SOBP: variants seen among roughly 807,000 people sequenced by gnomAD.
SOBP encodes the protein sine oculis-binding protein homolog.
In SOBP, 4 loss-of-function variants were observed where a neutral mutation model predicts 53.6. The observed-to-expected ratio is 0.07, with a 90% CI of 0.04 to 0.17. SOBP has a LOEUF of 0.17. Among genes scored for constraint, SOBP ranks in the 10% least tolerant of loss-of-function variants. SOBP has a pLI of 1.00. For missense variants in SOBP, 1,088 were observed against 1,204.7 expected, an observed-to-expected ratio of 0.90 and a Z score of 1.43; for synonymous variants, 584 against 522.6, an observed-to-expected ratio of 1.12 and a Z score of -1.60.
At chr6:107,573,318 A>G (rs1402346457) in intron 4 of SOBP, among the ~76,000 whole-genome samples, 3 of 151,984 alleles carry the variant, frequency 2.0e-5, no homozygotes, top group Non-Finnish European at 2.9e-5. Context: ...ATGATAAGAA[A>G]AGATAGTGAG....
At chr6:107,631,736 C>A (rs1212221816) in intron 5 of SOBP, among the ~76,000 whole-genome samples, 1 of 152,190 alleles carries the variant, frequency 6.6e-6, no homozygotes, top group African/African-American at 2.4e-5. Context: ...TGAAAGAATG[C>A]CTTTCTAATC....
chr6:107,616,094 G>GC (rs796810571), intron 5 of SOBP, among the ~76,000 whole-genome samples: 2,248 of 116,324 alleles, frequency 0.019, 132 homozygotes, highest in African/African-American at 0.071. Flanking sequence ...TGGGGGGGGG[G>GC]CGGGGGGGCG....
chr6:107,647,384 A>G (rs373881039), intron 6 of SOBP, among the ~76,000 whole-genome samples: 8 of 152,188 alleles, frequency 5.3e-5, no homozygotes, highest in Non-Finnish European at 1.0e-4. Context: ...ACCACTGTCC[A>G]TGGCTTATGT....
chr6:107,537,205 G>A (rs921041551), intron 4 of SOBP, among the ~76,000 whole-genome samples: 1 of 152,206 alleles, frequency 6.6e-6, no homozygotes, highest in Non-Finnish European at 1.5e-5. Context: ...TCCTAAGGGA[G>A]TAATGTCTTG....
At chr6:107,496,413 G>C (rs2075585699) in intron 1 of SOBP, among the ~76,000 whole-genome samples, 1 of 152,166 alleles carries the variant, frequency 6.6e-6, no homozygotes, top group African/African-American at 2.4e-5. Flanking sequence ...CGACGAGACA[G>C]TAAAACACCA....
At chr6:107,517,026 T>C (rs1002727090) in intron 3 of SOBP, among the ~76,000 whole-genome samples, 1 of 152,202 alleles carries the variant, frequency 6.6e-6, no homozygotes, top group African/African-American at 2.4e-5. Context: ...TTTTAAAATG[T>C]ATATGGAGAT....
intron 4 of SOBP, among the ~76,000 whole-genome samples, chr6:107,565,708 A>G (rs76615663): frequency 0.019 from 2,878 of 152,338 alleles, 94 homozygotes; most frequent in African/African-American, 0.063. Context: ...TCTCTAGGCA[A>G]TAGTGCAGAG....
chr6:107,509,945 G>T (rs1038665482), intron 3 of SOBP: 5 of 152,244 alleles, frequency 3.3e-5, no homozygotes, highest in Non-Finnish European at 1.5e-5. Flanking sequence ...CTACTCAAGG[G>T]TTCTATATGA....
intron 6 of SOBP, among the ~76,000 whole-genome samples, chr6:107,657,736 G>A (rs1772126541): frequency 6.6e-6 from 1 of 152,000 alleles, no homozygotes; most frequent in African/African-American, 2.4e-5. Flanking sequence ...CCAGCACTTT[G>A]GGAGGCTGAG....
At chr6:107,493,622 AT>A (rs113421493) in intron 1 of SOBP, among the ~76,000 whole-genome samples, 2 of 152,018 alleles carry the variant, frequency 1.3e-5, no homozygotes, top group East Asian at 1.9e-4. Context: ...TGTGTATGTG[AT>A]TTTTTTTCCC....
At chr6:107,616,583 G>T (rs112861373) in intron 5 of SOBP, among the ~76,000 whole-genome samples, 7 of 152,146 alleles carry the variant, frequency 4.6e-5, no homozygotes, top group Admixed American at 1.3e-4. Context: ...AAGTTAAATG[G>T]TGTTTTGCTC....
chr6:107,626,601 A>G (rs1770471199), intron 5 of SOBP, among the ~76,000 whole-genome samples: 1 of 152,190 alleles, frequency 6.6e-6, no homozygotes, highest in Admixed American at 6.5e-5. Flanking sequence ...CTCACCCATG[A>G]TGGGCCCTGA....
chr6:107,529,432 T>C, intron 3 of SOBP: 1 of 985,106 alleles, frequency 1.0e-6, no homozygotes, highest in Non-Finnish European at 1.2e-6. Context: ...AGGTCTTTCA[T>C]TGATTATCTG....
At chr6:107,602,649 T>C (rs924432920) in intron 5 of SOBP, among the ~76,000 whole-genome samples, 3 of 147,842 alleles carry the variant, frequency 2.0e-5, no homozygotes, top group African/African-American at 7.6e-5. Flanking sequence ...AAAGAGCAAA[T>C]TTTACTTCAT....
intron 6 of SOBP, among the ~76,000 whole-genome samples, chr6:107,650,389 C>T (rs1336729850): frequency 1.3e-5 from 2 of 152,202 alleles, no homozygotes; most frequent in Non-Finnish European, 2.9e-5. Context: ...CGCTTTATTA[C>T]GCTTCACGAA....
Position 107,635,302 on chromosome 6 carries a change from A to T in SOBP, c.2458A>T (p.Met820Leu). 2 of 1,613,830 alleles carry T rather than the reference A, an allele frequency of 1.2e-6. No individual in the cohort carries two copies. The highest frequency in any genetic ancestry group is 1.1e-5 in the South Asian group (1 of 91,088). ...ADEDHAYALR[M>L]LPKTGCVIQP... ...CGAGGACCATGCCTATGCTCTGCGG[A>T]TGCTGCCCAAGACCGGCTGCGTGAT... The change falls in exon 6 of 7, where the codon ATG becomes TTG. Residue 820 changes from methionine to leucine, a missense_variant. This residue lies in a region of SOBP where 665 missense variants were observed against 629.7 expected (regional missense o/e 1.06). Coordinates refer to ENST00000317357, the MANE Select transcript of SOBP (RefSeq NM_018013.4). This position sits in a 1 kb window ranked among gnomAD's most constrained non-coding sequence, Gnocchi z 4.5.
At chr6:107,655,163 A>G (rs1562130291) in intron 6 of SOBP, among the ~76,000 whole-genome samples, 2 of 152,038 alleles carry the variant, frequency 1.3e-5, no homozygotes, top group Non-Finnish European at 2.9e-5. Context: ...GGCAAGGACA[A>G]AACAGAACCA....
intron 5 of SOBP, among the ~76,000 whole-genome samples, chr6:107,592,858 A>G (rs896990744): frequency 3.9e-5 from 6 of 152,246 alleles, no homozygotes; most frequent in Admixed American, 1.3e-4. Flanking sequence ...TTCCTAAACT[A>G]TCTTGGAAAA....
chr6:107,638,323 G>T (rs1771148880), intron 6 of SOBP, among the ~76,000 whole-genome samples: 1 of 152,334 alleles, frequency 6.6e-6, no homozygotes, highest in African/African-American at 2.4e-5. Flanking sequence ...TGATTCTCCT[G>T]CCTCAGCCTC....
Sources: gnomAD v4.1 joint callset for allele counts (sites outside exome capture counted in the v4.1 genomes callset) on GRCh38, gnomAD v4.1.1 for gene constraint, gnomAD v4.1.1 regional missense constraint, Gnocchi (gnomAD v3.1) non-coding constraint, MANE v1.5 for transcripts, NCBI Gene and HGNC (gene_info 2026-07-23, HGNC 2026-07-21) for gene names.